Variants in ADAM7 observed in about 807,000 individuals in gnomAD.
ADAM7 encodes the protein ADAM metallopeptidase domain 7, also known as disintegrin and metalloproteinase domain-containing protein 7.
A neutral mutation model predicts 102.9 loss-of-function variants in ADAM7; 97 were observed. The observed-to-expected ratio is 0.94, with a 90% CI of 0.80 to 1.12. The LOEUF is 1.12. Among genes scored for constraint, ADAM7 ranks in the 50% most tolerant of loss-of-function variants. The pLI is 0.00. For synonymous variants in ADAM7, 334 were observed against 304.4 expected (o/e 1.10, Z -1.01); for missense variants, 991 against 908.7 (o/e 1.09, Z -1.16).
At chr8:24,450,626 T>C (rs1352313961) in intron 3 of ADAM7, among the ~76,000 whole-genome samples, 3 of 152,130 alleles carry the variant, frequency 2.0e-5, no homozygotes, top group East Asian at 1.9e-4. Context: ...TCTTTCCTAA[T>C]TGAATACCCT....
At chr8:24,446,106 AAATG>A (rs1300971683) in intron 2 of ADAM7, among the ~76,000 whole-genome samples, 1 of 152,222 alleles carries the variant, frequency 6.6e-6, no homozygotes, top group Non-Finnish European at 1.5e-5. Context: ...GTCATTGAAT[AAATG>A]AATGAACAGT....
chr8:24,477,336 C>A (rs1350117646), intron 8 of ADAM7, among the ~76,000 whole-genome samples: 1 of 152,134 alleles, frequency 6.6e-6, no homozygotes, highest in African/African-American at 2.4e-5. Flanking sequence ...TCCTCCTTGA[C>A]AATGGAGCAT....
At chr8:24,454,916 C>G (rs1029334776) in intron 3 of ADAM7, among the ~76,000 whole-genome samples, 12 of 152,220 alleles carry the variant, frequency 7.9e-5, no homozygotes, top group Middle Eastern at 3.4e-3. Context: ...TACATTCATT[C>G]TGTGGAAACG....
intron 7 of ADAM7, among the ~76,000 whole-genome samples, chr8:24,471,548 C>T (rs1157482109): frequency 6.6e-6 from 1 of 151,766 alleles, no homozygotes; most frequent in Non-Finnish European, 1.5e-5. Context: ...TTACAATTGC[C>T]TACAATATTC....
At chr8:24,468,946 T>C (rs953122396) in intron 7 of ADAM7, 126 bp downstream of exon 7, 3 of 858,886 alleles carry the variant, frequency 3.5e-6, no homozygotes, top group Non-Finnish European at 5.2e-6. Flanking sequence ...TATTTTTAGC[T>C]TCCCAAAACA....
At chr8:24,459,661 TG>T (rs1006672062) in intron 3 of ADAM7, among the ~76,000 whole-genome samples, 3 of 152,108 alleles carry the variant, frequency 2.0e-5, no homozygotes, top group African/African-American at 7.2e-5. Flanking sequence ...GTTTTCGCCT[TG>T]TTGCCCAGGC....
rs572234350 is a variant in ADAM7 at position 24,462,585 on chromosome 8, C to A, written c.234-1297C>A. Among the ~76,000 whole-genome samples, 141 of 152,300 alleles carry A rather than the reference C, an allele frequency of 9.3e-4. 1 individual carries two copies. Among genetic ancestry groups the A allele is most frequent in the African/African-American group, 3.2e-3 (134 of 41,556 alleles). On this transcript the variant is annotated intron_variant, in intron 3 of 21. Transcript: ENST00000175238. ...GATGCTGACATCCCTTCAGAGTCTG[C>A]CTGCTTTTGCTCGGTACCTAGATCC...
In ADAM7 at chr8:24,481,977, GT is replaced by G. The variant is rs141296535; in HGVS notation, c.706-164del. Among the ~76,000 whole-genome samples, 968 of 152,202 alleles carry G rather than the reference GT, an allele frequency of 6.4e-3. 12 individuals carry two copies. Among genetic ancestry groups the G allele is most frequent in the African/African-American group, 0.022 (922 of 41,534 alleles). ...CCAGGTATTCTGGGCAATGCATTCT[GT>G]CCCATTTTGATATATCTGTTTGCAA... is the stretch of plus-strand genomic sequence containing the variant. On this transcript the variant is annotated intron_variant, in intron 8 of 21. Transcript: ENST00000175238.
At chr8:24,503,813 G>A (rs910154635) in intron 20 of ADAM7, among the ~76,000 whole-genome samples, 2 of 151,992 alleles carry the variant, frequency 1.3e-5, no homozygotes, top group African/African-American at 2.4e-5. Flanking sequence ...ACTCATAAGT[G>A]GGAGTTGAGC....
chr8:24,473,462 G>T (rs886604322), intron 7 of ADAM7, among the ~76,000 whole-genome samples: 1 of 152,098 alleles, frequency 6.6e-6, no homozygotes, highest in Non-Finnish European at 1.5e-5. Flanking sequence ...GGGCATCAAA[G>T]CACCAAAAGA....
intron 7 of ADAM7, among the ~76,000 whole-genome samples, chr8:24,472,331 G>T (rs1819635446): frequency 6.6e-6 from 1 of 151,602 alleles, no homozygotes; most frequent in South Asian, 2.1e-4. Flanking sequence ...TAACATATTT[G>T]AAAAAATTAA....
At chr8:24,451,355 G>A (rs1477648396) in intron 3 of ADAM7, among the ~76,000 whole-genome samples, 4 of 152,084 alleles carry the variant, frequency 2.6e-5, no homozygotes, top group Non-Finnish European at 4.4e-5. Flanking sequence ...TCAGAGATTT[G>A]ACTTCTTCCT....
chr8:24,494,632 C>T (rs1431996021), intron 16 of ADAM7, among the ~76,000 whole-genome samples: 1 of 152,144 alleles, frequency 6.6e-6, no homozygotes, highest in Admixed American at 6.5e-5. Flanking sequence ...CACAGTGGTG[C>T]CAGTTCTTCA....
In ADAM7 at chr8:24,447,450, T is replaced by C. The variant is rs79154732; in HGVS notation, c.233+188T>C. 2.0e-3 allele frequency among the ~76,000 whole-genome samples: 306 copies of C among 152,294 alleles called. 8 individuals carry two copies. In the East Asian group the frequency reaches 0.052, roughly 26 times the overall value. On this transcript the variant is annotated intron_variant, in intron 3 of 21. Coordinates refer to ENST00000175238, the MANE Select transcript of ADAM7 (RefSeq NM_003817.4). The stretch of plus-strand genomic sequence containing the variant: ...TCAAAAGCTTAAAGACAATCACAGA[T>C]GCCACTGTTCTCCCGTTCCTAAATA...
At chr8:24,452,320 G>A (rs1472361316) in intron 3 of ADAM7, among the ~76,000 whole-genome samples, 9 of 149,862 alleles carry the variant, frequency 6.0e-5, no homozygotes, top group Non-Finnish European at 1.2e-4. Flanking sequence ...CTTGCTTTAC[G>A]AATCTGGGTG....
chr8:24,462,307 TC>T (rs1427153731), intron 3 of ADAM7, among the ~76,000 whole-genome samples: 1 of 152,214 alleles, frequency 6.6e-6, no homozygotes. Flanking sequence ...CTGAGGATTC[TC>T]CCCGCTCTCT....
chr8:24,489,233 G>C lies in ADAM7; in HGVS notation c.1166G>C (p.Cys389Ser). The C allele has an allele frequency of 6.2e-7, 1 of 1,613,632 alleles. No individual in the cohort carries two copies. The highest frequency in any genetic ancestry group is 8.5e-7 in the Non-Finnish European group (1 of 1,179,706). Residue 389 changes from cysteine (C) to serine (S), a missense_variant, in exon 12 of 22, where the codon TGC (cysteine) becomes TCC (serine). Cys to Ser is a moderately radical substitution (Grantham distance 112, BLOSUM62 -1). Coordinates refer to ENST00000175238, the MANE Select transcript of ADAM7 (RefSeq NM_003817.4). Reference sequence around the variant, plus strand: ...TACTTGAAGGATTATAAGCCAACATGCATGCTCAACATTCCATTTCCTTAC... The same window carrying C: ...TACTTGAAGGATTATAAGCCAACATCCATGCTCAACATTCCATTTCCTTAC... Reference protein sequence around the residue: ...HQYLKDYKPTCMLNIPFPYNF... With the variant: ...HQYLKDYKPTSMLNIPFPYNF...
intron 4 of ADAM7, among the ~76,000 whole-genome samples, chr8:24,464,813 A>G (rs1246221789): frequency 8.1e-6 from 1 of 122,986 alleles, no homozygotes; most frequent in Non-Finnish European, 1.8e-5. Flanking sequence ...GTTGGCCAGG[A>G]TGGTCTCGAT....
At chr8:24,492,299 G>A (rs1820387471) in intron 14 of ADAM7, 196 bp from the exon 15 acceptor site, 1 of 681,432 alleles carries the variant, frequency 1.5e-6, no homozygotes, top group Middle Eastern at 4.2e-4. Context: ...TATGAGCTAT[G>A]TATATTTGTT....
Sources: allele counts gnomAD v4.1 joint callset (sites outside exome capture counted in the v4.1 genomes callset), GRCh38; gene constraint gnomAD v4.1.1; transcripts MANE v1.5; gene names NCBI Gene and HGNC (gene_info 2026-07-23, HGNC 2026-07-21).